Variants in C3orf70 observed in about 807,000 individuals in gnomAD.
C3orf70 encodes the protein chromosome 3 open reading frame 70.
Under a neutral mutation model 20.7 loss-of-function variants are expected in C3orf70, and 15 were observed. The observed-to-expected ratio is 0.72, with a 90% CI of 0.48 to 1.11. C3orf70 has a LOEUF of 1.11. Among genes scored for constraint, C3orf70 ranks in the 50% most tolerant of loss-of-function variants. The pLI, the probability that C3orf70 is intolerant of heterozygous loss-of-function variation, is 0.00. For missense variants in C3orf70, 332 were observed against 317.6 expected (o/e 1.05, Z -0.34); for synonymous variants, 161 against 125.7 (o/e 1.28, Z -1.88).
chr3:185,136,179 C>T (rs1376154953), intron 1 of C3orf70, among the ~76,000 whole-genome samples: 1 of 152,102 alleles, frequency 6.6e-6, no homozygotes, highest in African/African-American at 2.4e-5. Context: ...CAACTAAAGT[C>T]AACTTCACAG....
chr3:185,129,793 A>G (rs1716491817), intron 1 of C3orf70, among the ~76,000 whole-genome samples: 1 of 152,248 alleles, frequency 6.6e-6, no homozygotes, highest in African/African-American at 2.4e-5. Context: ...TATTCAAACA[A>G]AAGAAAATTA....
Position 185,083,608 on chromosome 3 carries a change from T to TA in C3orf70, c.197-46dup, listed in dbSNP as rs534588845. 37 of 1,474,290 alleles carry TA rather than the reference T, an allele frequency of 2.5e-5. 2 individuals are homozygous for TA. The South Asian group carries it at 4.3e-4, about 17-fold the overall frequency. The allele number at this position is 1,474,290 out of a possible 1,614,324, so 91.3% of individuals were successfully genotyped here. ...CACTTGAAATCTATATTACACAAAC[T>TA]ATATTAACATGGCCATAATGGTTTC... On this transcript the variant is annotated intron_variant, in intron 1 of 1. Transcript: ENST00000335012.
At chr3:185,101,191 G>A (rs1715815939) in intron 1 of C3orf70, among the ~76,000 whole-genome samples, 1 of 152,158 alleles carries the variant, frequency 6.6e-6, no homozygotes, top group Non-Finnish European at 1.5e-5. Context: ...TATGAGGCCA[G>A]CATCATCCTG....
intron 1 of C3orf70, among the ~76,000 whole-genome samples, chr3:185,088,918 T>C (rs7644823): frequency 0.18 from 26,712 of 152,168 alleles, 2,682 homozygotes; most frequent in African/African-American, 0.27. Context: ...ATGTGTGAAA[T>C]TGAAGATACT....
At chr3:185,133,601 C>T (rs1440263444) in intron 1 of C3orf70, among the ~76,000 whole-genome samples, 3 of 147,250 alleles carry the variant, frequency 2.0e-5, no homozygotes, top group East Asian at 3.9e-4. Context: ...AAAAATTAGC[C>T]AGGCATGGTG....
chr3:185,152,727 G>A lies in C3orf70; in HGVS notation c.97C>T (p.Pro33Ser). ...AGCCCGTCGCACGGCTGGAAGTCGG[G>A]TCTGCGGGCGGCGCAACTCCGCGCC... ...ALARSCAARR[P>S]DFQPCDGLSI... The change falls in exon 1 of 2, where the codon CCC becomes TCC. Residue 33 changes from proline to serine, a missense_variant. By Grantham distance (74) the Pro-to-Ser change is moderately conservative. Coordinates refer to ENST00000335012, the MANE Select transcript of C3orf70 (RefSeq NM_001025266.3). 2.5e-6 allele frequency: 4 copies of A among 1,593,750 alleles called. No individual in the cohort carries two copies. In the South Asian group the frequency reaches 3.4e-5, roughly 13 times the overall value.
rs1715232656 is a variant in C3orf70 at position 185,077,900 on chromosome 3, C to T, written c.*5107G>A. 2 of 151,906 alleles carry T rather than the reference C, an allele frequency of 1.3e-5. No individual in the cohort carries two copies. Among genetic ancestry groups the T allele is most frequent in the Admixed American group, 6.6e-5 (1 of 15,220 alleles). 9.4% of individuals were successfully genotyped at this position (151,906 alleles called of 1,614,324 possible). A position where few individuals can be genotyped will look rare whatever the true frequency, so the allele number is the denominator to read the frequency against. Reference sequence around the variant, plus strand: ...TACTGCGGACAGTACAGTTTATCTGCACCTCATTGAGGTCTTGTAAAGGTT... The same window carrying T: ...TACTGCGGACAGTACAGTTTATCTGTACCTCATTGAGGTCTTGTAAAGGTT... On this transcript the variant is annotated 3_prime_UTR_variant, in exon 2 of 2. Coordinates refer to ENST00000335012, the MANE Select transcript of C3orf70 (RefSeq NM_001025266.3).
At chr3:185,098,414 T>C (rs914387992) in intron 1 of C3orf70, among the ~76,000 whole-genome samples, 3 of 152,238 alleles carry the variant, frequency 2.0e-5, no homozygotes, top group South Asian at 2.1e-4. Flanking sequence ...TGAGATCTCA[T>C]GGATGGTTTC....
chr3:185,082,713 T>A lies in C3orf70; in HGVS notation c.*294A>T. The stretch of plus-strand genomic sequence containing the variant: ...TCTGATCCAAGATTCTCTGCGACCA[T>A]CACTTCACCGCCTTCAAATCTCCCA... On this transcript the variant is annotated 3_prime_UTR_variant, in exon 2 of 2. Coordinates refer to ENST00000335012, the MANE Select transcript of C3orf70 (RefSeq NM_001025266.3). The A allele has an allele frequency of 2.9e-6, 1 of 339,220 alleles. No individual in the cohort carries two copies. Among genetic ancestry groups the A allele is most frequent in the Non-Finnish European group, 5.4e-6 (1 of 185,550 alleles). 21.0% of individuals were successfully genotyped at this position (339,220 alleles called of 1,614,324 possible).
intron 1 of C3orf70, among the ~76,000 whole-genome samples, chr3:185,142,652 G>A (rs73190997): frequency 0.02 from 3,071 of 152,176 alleles, 45 homozygotes; most frequent in Non-Finnish European, 0.027. Flanking sequence ...TATTCACTCA[G>A]CATCAAAGTA....
chr3:185,120,337 C>T (rs1334867723), intron 1 of C3orf70, among the ~76,000 whole-genome samples: 4 of 152,126 alleles, frequency 2.6e-5, no homozygotes, highest in African/African-American at 4.8e-5. Flanking sequence ...GATTCCTTTA[C>T]CTTCATAATG....
intron 1 of C3orf70, among the ~76,000 whole-genome samples, chr3:185,135,282 T>A (rs1716599657): frequency 6.6e-6 from 1 of 151,714 alleles, no homozygotes. Context: ...CAAATGAAAC[T>A]GTAGAAAGCC....
chr3:185,097,905 C>CTT (rs1242348492), intron 1 of C3orf70, among the ~76,000 whole-genome samples: 1 of 152,154 alleles, frequency 6.6e-6, no homozygotes, highest in African/African-American at 2.4e-5. Context: ...TGTGTAGAAA[C>CTT]TTACAATTAC....
chr3:185,121,523 G>C (rs375954440), intron 1 of C3orf70, among the ~76,000 whole-genome samples: 8 of 152,242 alleles, frequency 5.3e-5, no homozygotes, highest in African/African-American at 1.9e-4. Context: ...GAGGATGGCA[G>C]ATGCCACAGG....
chr3:185,118,244 T>G (rs1326085435), intron 1 of C3orf70, among the ~76,000 whole-genome samples: 2 of 152,204 alleles, frequency 1.3e-5, no homozygotes, highest in Admixed American at 1.3e-4. Flanking sequence ...GACATGATGG[T>G]TCTTTCCTTC....
rs1170535088 is a variant in C3orf70 at position 185,078,125 on chromosome 3, AAAGTTG to A, written c.*4876_*4881del. 1 of 152,656 alleles carries A rather than the reference AAAGTTG, an allele frequency of 6.6e-6. No individual in the cohort carries two copies. Among genetic ancestry groups the A allele is most frequent in the Non-Finnish European group, 1.5e-5 (1 of 68,038 alleles). The allele number at this position is 152,656 out of a possible 1,614,324, so 9.5% of individuals were successfully genotyped here. ...TTTCCTAAAGTGTTACATATCAAGG[AAAGTTG>A]AGCTGTCTGTAGGAAAACAATATAA... is the stretch of plus-strand genomic sequence containing the variant. On this transcript the variant is annotated 3_prime_UTR_variant, in exon 2 of 2. Transcript: ENST00000335012.
At chr3:185,138,841 T>C (rs1716682054) in intron 1 of C3orf70, among the ~76,000 whole-genome samples, 1 of 152,190 alleles carries the variant, frequency 6.6e-6, no homozygotes. Flanking sequence ...GGCTCACACC[T>C]GTAATCCCAA....
intron 1 of C3orf70, among the ~76,000 whole-genome samples, chr3:185,128,476 C>T (rs143072978): frequency 6.2e-4 from 93 of 150,662 alleles, no homozygotes; most frequent in Non-Finnish European, 1.1e-3. Context: ...TGCAGTGAGC[C>T]GATATCGCAC....
intron 1 of C3orf70, among the ~76,000 whole-genome samples, chr3:185,106,756 C>G (rs1443279304): frequency 2.6e-5 from 4 of 152,350 alleles, no homozygotes; most frequent in South Asian, 4.1e-4. Context: ...CTGGGGAACC[C>G]CCCGCAAAAA....
Sources: allele counts gnomAD v4.1 joint callset (sites outside exome capture counted in the v4.1 genomes callset), GRCh38; gene constraint gnomAD v4.1.1; transcripts MANE v1.5; gene names NCBI Gene and HGNC (gene_info 2026-07-23, HGNC 2026-07-21).